CNBD1: variants seen among roughly 807,000 people sequenced by gnomAD.
CNBD1 encodes the protein cyclic nucleotide binding domain containing 1.
Under a neutral mutation model 54.4 loss-of-function variants are expected in CNBD1, and 71 were observed. That is an observed-to-expected ratio of 1.30 (90% CI 1.08 to 1.59). The LOEUF (loss-of-function observed/expected upper bound fraction) is 1.59, where lower values mean the gene tolerates loss of function less well. CNBD1 is among the 40% of genes most tolerant of loss of function. CNBD1 has a pLI of 0.00. For synonymous variants in CNBD1, 182 were observed against 170.7 expected (o/e 1.07, Z -0.51); for missense variants, 659 against 518.0 (o/e 1.27, Z -2.64).
intron 8 of CNBD1, among the ~76,000 whole-genome samples, chr8:87,339,757 G>C (rs750855880): frequency 2.0e-5 from 3 of 151,980 alleles, no homozygotes; most frequent in Non-Finnish European, 2.9e-5. Flanking sequence ...ATTTAAAACT[G>C]ATAACAATTT....
At chr8:87,394,716 C>T (rs1275817705) in intron 2 of CNBD1, among the ~76,000 whole-genome samples, 2 of 151,824 alleles carry the variant, frequency 1.3e-5, no homozygotes, top group South Asian at 2.1e-4. Context: ...AAAAAGAAAA[C>T]ATAAACTCTT....
chr8:87,154,588 T>C lies in CNBD1; in HGVS notation c.432-51405T>C, dbSNP rs115670376. On this transcript the variant is annotated intron_variant, in intron 4 of 10. Coordinates refer to ENST00000518476, the MANE Select transcript of CNBD1 (RefSeq NM_173538.3). ...AAAGTTACAATGCCTATTAGTGCAG[T>C]AAGGGATCTGAAAATATCCACAGTG... 1.9e-3 allele frequency among the ~76,000 whole-genome samples: 288 copies of C among 152,338 alleles called. 1 individual carries two copies. Among genetic ancestry groups the C allele is most frequent in the Middle Eastern group, 6.8e-3 (2 of 294 alleles).
intron 6 of CNBD1, among the ~76,000 whole-genome samples, chr8:87,246,184 T>C (rs1807800345): frequency 6.6e-6 from 1 of 152,174 alleles, no homozygotes; most frequent in Admixed American, 6.6e-5. Context: ...GCCTGGTCTA[T>C]AATTTTTACT....
intron 4 of CNBD1, among the ~76,000 whole-genome samples, chr8:87,019,198 C>G (rs1041412374): frequency 5.3e-5 from 8 of 152,160 alleles, no homozygotes; most frequent in Non-Finnish European, 1.0e-4. Context: ...ACAAGTCAGT[C>G]TTACAGCTTT....
At chr8:87,299,529 G>A (rs1347676467) in intron 8 of CNBD1, among the ~76,000 whole-genome samples, 1 of 152,152 alleles carries the variant, frequency 6.6e-6, no homozygotes, top group Non-Finnish European at 1.5e-5. Flanking sequence ...AAGTCTTTGG[G>A]AACATGCAGT....
chr8:87,390,540 G>A (rs1332436414), intron 2 of CNBD1, among the ~76,000 whole-genome samples: 6 of 152,174 alleles, frequency 3.9e-5, no homozygotes, highest in African/African-American at 9.7e-5. Context: ...ACCATAGTGC[G>A]ATATCATCTC....
intron 4 of CNBD1, among the ~76,000 whole-genome samples, chr8:86,974,104 T>C (rs1273119239): frequency 6.6e-6 from 1 of 152,128 alleles, no homozygotes; most frequent in Admixed American, 6.5e-5. Flanking sequence ...TGTTCAAAAA[T>C]GTAATTACAG....
chr8:87,228,892 G>T (rs537969649), intron 5 of CNBD1, among the ~76,000 whole-genome samples: 7 of 152,210 alleles, frequency 4.6e-5, no homozygotes, highest in Non-Finnish European at 1.0e-4. Flanking sequence ...CAATCAGCGA[G>T]ACTCTGTGGG....
intron 5 of CNBD1, among the ~76,000 whole-genome samples, chr8:87,230,039 G>C (rs1383343338): frequency 6.8e-6 from 1 of 146,736 alleles, no homozygotes; most frequent in Non-Finnish European, 1.5e-5. Context: ...TTAACTTCTG[G>C]GGAGGCCTCA....
At chr8:86,991,658 C>CTAACTTCTTGATGAAGG (rs1808751407) in intron 4 of CNBD1, among the ~76,000 whole-genome samples, 2 of 152,062 alleles carry the variant, frequency 1.3e-5, no homozygotes, top group Non-Finnish European at 2.9e-5. Context: ...GTGTTTAGTT[C>CTAACTTCTTGATGAAGG]TGTAAACTTC....
intron 6 of CNBD1, among the ~76,000 whole-genome samples, chr8:87,255,833 G>A (rs1020382442): frequency 6.7e-6 from 1 of 149,450 alleles, no homozygotes; most frequent in Non-Finnish European, 1.5e-5. Context: ...ACTTCATAGG[G>A]TAATTATGAG....
intron 4 of CNBD1, among the ~76,000 whole-genome samples, chr8:87,075,552 T>G (rs1283239056): frequency 6.6e-6 from 1 of 152,212 alleles, no homozygotes. Context: ...TTTTTGTTGT[T>G]TTTTTCAGAC....
chr8:86,937,652 C>G (rs954028433), intron 3 of CNBD1, among the ~76,000 whole-genome samples: 6 of 152,126 alleles, frequency 3.9e-5, no homozygotes, highest in African/African-American at 1.4e-4. Flanking sequence ...ACGTTGGCCC[C>G]TTTTGGCCAT....
At chr8:86,943,162 C>T (rs1370894527) in intron 4 of CNBD1, among the ~76,000 whole-genome samples, 2 of 151,750 alleles carry the variant, frequency 1.3e-5, no homozygotes, top group Admixed American at 1.3e-4. Flanking sequence ...GAGTGTGGAT[C>T]ATGAGGTCAA....
intron 8 of CNBD1, among the ~76,000 whole-genome samples, chr8:87,312,689 G>A (rs1366156876): frequency 2.0e-5 from 3 of 151,870 alleles, no homozygotes; most frequent in African/African-American, 7.3e-5. Context: ...TAGCTTTAAT[G>A]AAAATAGTAT....
chr8:87,045,724 C>CAAAAAAAAAAAAAAAAA (rs58973406), intron 4 of CNBD1, among the ~76,000 whole-genome samples: 1 of 51,086 alleles, frequency 2.0e-5, no homozygotes, highest in African/African-American at 7.8e-5. Context: ...GACTCCGTCT[C>CAAAAAAAAAAAAAAAAA]AAAAAAAAAA....
intron 6 of CNBD1, among the ~76,000 whole-genome samples, chr8:87,257,110 C>A (rs1808039393): frequency 6.6e-6 from 1 of 152,054 alleles, no homozygotes. Context: ...TGGCTCATGC[C>A]TGTAATCCCA....
chr8:87,102,970 C>T (rs1811462236), intron 4 of CNBD1, among the ~76,000 whole-genome samples: 1 of 152,082 alleles, frequency 6.6e-6, no homozygotes, highest in South Asian at 2.1e-4. Flanking sequence ...TTCAGAGGAA[C>T]TGAAGAAAAT....
downstream of CNBD1, among the ~76,000 whole-genome samples, chr8:87,385,325 G>A (rs111294035): frequency 0.019 from 2,881 of 152,258 alleles, 88 homozygotes; most frequent in African/African-American, 0.062. Flanking sequence ...GCAAGGCATC[G>A]CCTCACCCGG....
Sources: allele counts gnomAD v4.1 joint callset (sites outside exome capture counted in the v4.1 genomes callset), GRCh38; gene constraint gnomAD v4.1.1; transcripts MANE v1.5; gene names NCBI Gene and HGNC (gene_info 2026-07-23, HGNC 2026-07-21).